Variants in METAP2 observed in about 807,000 individuals in gnomAD.
The protein encoded by METAP2 is methionyl aminopeptidase 2, also known as methionine aminopeptidase 2.
In METAP2, 25 loss-of-function variants were observed where a neutral mutation model predicts 59.4. The observed-to-expected ratio is 0.42, with a 90% CI of 0.31 to 0.59. The LOEUF (loss-of-function observed/expected upper bound fraction) is 0.59. Ranked by LOEUF, METAP2 falls within the 20% of genes least tolerant of loss-of-function variation. METAP2 has a pLI of 0.16. For synonymous variants in METAP2, 214 were observed against 194.1 expected, an observed-to-expected ratio of 1.10 and a Z score of -0.85; for missense variants, 366 against 581.2, an observed-to-expected ratio of 0.63 and a Z score of 3.81.
At chr12:95,488,012 TTC>T (rs1410088430) in intron 4 of METAP2, among the ~76,000 whole-genome samples, 9 of 152,200 alleles carry the variant, frequency 5.9e-5, no homozygotes, top group African/African-American at 2.2e-4. Context: ...TTTTCTCTCT[TTC>T]TCATGTACTG....
chr12:95,475,923 C>T, intron 1 of METAP2, 148 bp from the exon 2 acceptor site: 1 of 550,356 alleles, frequency 1.8e-6, no homozygotes, highest in South Asian at 2.3e-5. Context: ...ATTTTTCTGT[C>T]ATTAAACGAA....
chr12:95,480,722 G>A (rs2076152520), intron 2 of METAP2, among the ~76,000 whole-genome samples: 1 of 152,096 alleles, frequency 6.6e-6, no homozygotes, highest in South Asian at 2.1e-4. Flanking sequence ...CTATTGAATT[G>A]TAATAGTTCA....
Position 95,513,782 on chromosome 12 carries a change from G to A in METAP2, c.1315G>A (p.Gly439Ser), listed in dbSNP as rs1211844154. The A allele has an allele frequency of 1.9e-6, 3 of 1,614,036 alleles. No individual in the cohort carries two copies. Among genetic ancestry groups the A allele is most frequent in the Admixed American group, 3.3e-5 (2 of 59,986 alleles). The change falls in exon 11 of 11, where the codon GGC becomes AGC. Residue 439 changes from glycine to serine, a missense_variant. Physicochemically the swap from Gly to Ser is moderately conservative, Grantham distance 56 (BLOSUM62 0). Coordinates refer to ENST00000323666, the MANE Select transcript of METAP2 (RefSeq NM_006838.4). ...LMALKNLCDLGIVDPYPPLCD... is the reference protein window; with the variant it reads ...LMALKNLCDLSIVDPYPPLCD... ...GGCTCTGAAGAATCTGTGTGACTTG[G>A]GCATTGTAGATCCATATCCACCATT...
chr12:95,512,354 G>C (rs2076409350), intron 9 of METAP2, among the ~76,000 whole-genome samples: 1 of 152,182 alleles, frequency 6.6e-6, no homozygotes. Context: ...GGCAAGGCTA[G>C]ATAAGGACCG....
intron 4 of METAP2, among the ~76,000 whole-genome samples, chr12:95,491,324 T>G (rs2140148552): frequency 6.6e-6 from 1 of 152,272 alleles, no homozygotes; most frequent in South Asian, 2.1e-4. Context: ...AAATGGTGGA[T>G]TTTTGATTCT....
chr12:95,483,095 A>T, intron 2 of METAP2, 120 bp from the exon 3 acceptor site: 1 of 804,164 alleles, frequency 1.2e-6, no homozygotes. Context: ...TGTAAACAAG[A>T]TAAAATAAAC....
intron 8 of METAP2, among the ~76,000 whole-genome samples, chr12:95,509,587 T>G (rs961685579): frequency 7.2e-5 from 11 of 152,192 alleles, no homozygotes; most frequent in Non-Finnish European, 1.2e-4. Flanking sequence ...TCATAGTCAT[T>G]TTCATTATCA....
Position 95,494,044 on chromosome 12 carries a change from C to A in METAP2, c.429-12C>A, listed in dbSNP as rs1245931610. ...GTTTTATCACTAATAGTATTCTATG[C>A]CCACTCTAAAGGCGAACAGCTGCTT... On this transcript the variant is annotated splice_polypyrimidine_tract_variant and intron_variant, in intron 4 of 10. Coordinates refer to ENST00000323666, the MANE Select transcript of METAP2 (RefSeq NM_006838.4). 6.2e-7 allele frequency: 1 copy of A among 1,611,062 alleles called. No homozygotes were observed. Among genetic ancestry groups the A allele is most frequent in the Admixed American group, 1.7e-5 (1 of 59,812 alleles).
intron 2 of METAP2, among the ~76,000 whole-genome samples, chr12:95,481,474 A>G (rs958811805): frequency 2.0e-5 from 3 of 152,188 alleles, no homozygotes; most frequent in African/African-American, 7.2e-5. Context: ...TGTGAAGAAA[A>G]GACATGTAAA....
Position 95,483,499 on chromosome 12 carries a change from G to C in METAP2, c.325+219G>C, listed in dbSNP as rs986535061. 1.4e-5 allele frequency: 5 copies of C among 360,976 alleles called. No homozygotes were observed. The Admixed American group carries it at 1.8e-4, about 13-fold the overall frequency. The allele number at this position is 360,976 out of a possible 1,614,324, so 22.4% of individuals were successfully genotyped here. A position where few individuals can be genotyped will look rare whatever the true frequency, so the allele number is the denominator to read the frequency against. On this transcript the variant is annotated intron_variant, in intron 3 of 10. Transcript: ENST00000323666. Reference sequence around the variant, plus strand: ...TCAAAAAAAAAAAAAAAAAAAAAAAGAAGTGGTTATTCACTGACAGGTTTG... The same window carrying C: ...TCAAAAAAAAAAAAAAAAAAAAAAACAAGTGGTTATTCACTGACAGGTTTG...
intron 3 of METAP2, among the ~76,000 whole-genome samples, chr12:95,483,918 T>C (rs1400383144): frequency 1.3e-5 from 2 of 152,158 alleles, no homozygotes; most frequent in Non-Finnish European, 2.9e-5. Context: ...GGTGAGACTT[T>C]ATTATTAATA....
Position 95,474,210 on chromosome 12 carries a change from G to A in METAP2, c.31G>A (p.Gly11Arg), listed in dbSNP as rs199661494. Residue 11 changes from glycine to arginine, a missense_variant, in exon 1 of 11, where the codon GGG becomes AGG. Around this residue, in one of 4 missense-constraint regions of METAP2, gnomAD observed 177 missense variants for 180.3 expected, o/e 0.98. Transcript: ENST00000323666. MAGVEEVAAS[G>R]SHLNGDLDPD... ...GGGTGTGGAGGAGGTAGCGGCCTCC[G>A]GGAGCCACCTGAATGGCGACCTGGA... The A allele has an allele frequency of 6.2e-7, 1 of 1,614,146 alleles. No individual in the cohort carries two copies. Among genetic ancestry groups the A allele is most frequent in the South Asian group, 1.1e-5 (1 of 91,080 alleles).
At chr12:95,483,120 T>G (rs1214447866) in intron 2 of METAP2, 95 bp from the exon 3 acceptor site, 1 of 909,440 alleles carries the variant, frequency 1.1e-6, no homozygotes, top group East Asian at 2.4e-5. Context: ...GTTTGTTCAT[T>G]TATTGAATAG....
intron 4 of METAP2, among the ~76,000 whole-genome samples, chr12:95,486,409 A>G (rs2076197304): frequency 6.6e-6 from 1 of 151,676 alleles, no homozygotes; most frequent in Non-Finnish European, 1.5e-5. Context: ...TCTTACCTAC[A>G]CTTAATTTGA....
At chr12:95,497,634 T>G (rs1001500415) in intron 7 of METAP2, among the ~76,000 whole-genome samples, 3 of 152,196 alleles carry the variant, frequency 2.0e-5, no homozygotes, top group African/African-American at 7.2e-5. Context: ...CTTTTTAAAC[T>G]TTTTGAGTAT....
chr12:95,488,901 A>AG (rs2076217799), intron 4 of METAP2, among the ~76,000 whole-genome samples: 1 of 149,374 alleles, frequency 6.7e-6, no homozygotes, highest in Non-Finnish European at 1.5e-5. Context: ...CACACACACA[A>AG]ATGTCCTTGT....
chr12:95,485,666 G>A (rs55776812), intron 3 of METAP2: 2 of 439,838 alleles, frequency 4.5e-6, no homozygotes, highest in East Asian at 8.5e-5. Context: ...ACATAATGGA[G>A]TTCTGAGGAG....
chr12:95,502,665 T>C (rs557004900), intron 7 of METAP2, among the ~76,000 whole-genome samples: 1 of 152,094 alleles, frequency 6.6e-6, no homozygotes, highest in Non-Finnish European at 1.5e-5. Context: ...TTTCAATTAT[T>C]GTTTACCTTT....
intron 7 of METAP2, among the ~76,000 whole-genome samples, chr12:95,497,922 T>C (rs1289750071): frequency 2.0e-5 from 3 of 151,010 alleles, no homozygotes; most frequent in Admixed American, 2.0e-4. Context: ...AGTCAGGAGA[T>C]GGAGACCATC....
Sources: gnomAD v4.1 joint callset for allele counts (sites outside exome capture counted in the v4.1 genomes callset) on GRCh38, gnomAD v4.1.1 for gene constraint, gnomAD v4.1.1 regional missense constraint, MANE v1.5 for transcripts, NCBI Gene and HGNC (gene_info 2026-07-23, HGNC 2026-07-21) for gene names.